Variants in SIPA1L3 observed in about 807,000 individuals in gnomAD.
SIPA1L3 encodes signal induced proliferation associated 1 like 3, also known as signal-induced proliferation-associated 1-like protein 3.
Under a neutral mutation model 150.1 loss-of-function variants are expected in SIPA1L3, and 59 were observed. The ratio of observed to expected loss-of-function variants is 0.39; its 90% CI spans 0.32 to 0.49. The LOEUF is 0.49. Among genes scored for constraint, SIPA1L3 ranks in the 20% least tolerant of loss-of-function variants. The pLI is 0.86. For missense variants in SIPA1L3, 2,211 were observed against 2,489.5 expected, an observed-to-expected ratio of 0.89 and a Z score of 2.38; for synonymous variants, 1,070 against 1,077.6, an observed-to-expected ratio of 0.99 and a Z score of 0.14.
In SIPA1L3 at chr19:37,913,173, A is replaced by T. The variant is rs117599642; in HGVS notation, c.-379+5815A>T. The stretch of plus-strand genomic sequence containing the variant: ...TAGTCTTTACCTCGGGGGTCGCTGG[A>T]GACTGAATGAAATGTCTGCAAGACT... On this transcript the variant is annotated intron_variant, in intron 1 of 21. Coordinates refer to ENST00000222345, the MANE Select transcript of SIPA1L3 (RefSeq NM_015073.3). Among the ~76,000 whole-genome samples, 1,064 of 152,272 alleles carry T rather than the reference A, an allele frequency of 7.0e-3. 32 individuals are homozygous for T. Among genetic ancestry groups the T allele is most frequent in the East Asian group, 0.068 (354 of 5,176 alleles).
chr19:38,197,871 A>G (rs1600204754), intron 18 of SIPA1L3, among the ~76,000 whole-genome samples: 1 of 122,706 alleles, frequency 8.1e-6, no homozygotes, highest in Non-Finnish European at 1.7e-5. Flanking sequence ...TCTCCCCCCA[A>G]ATCCCCCCCC....
Position 38,152,906 on chromosome 19 carries a change from C to T in SIPA1L3, c.3600C>T (p.Ser1200=), listed in dbSNP as rs759175189. The T allele has an allele frequency of 9.9e-6, 16 of 1,613,616 alleles. No individual in the cohort carries two copies. Among genetic ancestry groups the T allele is most frequent in the Middle Eastern group, 3.3e-4 (2 of 6,084 alleles). The change falls in exon 13 of 22, where the codon AGC becomes AGT. Residue 1200 remains serine (S), a synonymous_variant. Coordinates refer to ENST00000222345, the MANE Select transcript of SIPA1L3 (RefSeq NM_015073.3). The part of the protein sequence containing the change: ...DPHFSHDGTS[S]GDSSSGGLTS... The stretch of plus-strand genomic sequence containing the variant: ...ACTTCAGCCACGATGGGACGTCCAG[C>T]GGCGACTCCTCTTCCGGCGGCCTGA...
chr19:38,149,333 G>T (rs1473561758), intron 12 of SIPA1L3, among the ~76,000 whole-genome samples: 1 of 152,124 alleles, frequency 6.6e-6, no homozygotes, highest in Non-Finnish European at 1.5e-5. Flanking sequence ...GGAAGTGGAA[G>T]TTCGCGTCAC....
rs181544606 is a variant in SIPA1L3, at chr19:38,192,540, G to A, written c.4596+230G>A. Among the ~76,000 whole-genome samples, 4 of 152,296 alleles carry A rather than the reference G, an allele frequency of 2.6e-5. No homozygotes were observed. The East Asian group carries it at 7.7e-4, about 29-fold the overall frequency. ...ACAGGATAAGCCCAGGCAGGCACTCGGGAATCTACCCCATACCGAGAACCT... is the reference window on the plus strand; with the variant it reads ...ACAGGATAAGCCCAGGCAGGCACTCAGGAATCTACCCCATACCGAGAACCT... On this transcript the variant is annotated intron_variant, in intron 17 of 21. Transcript: ENST00000222345.
chr19:37,991,017 G>T (rs1967493709), intron 1 of SIPA1L3, among the ~76,000 whole-genome samples: 1 of 152,200 alleles, frequency 6.6e-6, no homozygotes, highest in South Asian at 2.1e-4. Flanking sequence ...CAGATTGCTT[G>T]AGGCCAGGAG....
At chr19:37,981,483 A>C (rs1386197464) in intron 1 of SIPA1L3, among the ~76,000 whole-genome samples, 1 of 151,162 alleles carries the variant, frequency 6.6e-6, no homozygotes, top group Non-Finnish European at 1.5e-5. Context: ...CTGCTCTGCC[A>C]CTTCTTGTCC....
intron 13 of SIPA1L3, among the ~76,000 whole-genome samples, chr19:38,157,319 A>G (rs747381334): frequency 9.9e-5 from 15 of 152,156 alleles, no homozygotes; most frequent in Non-Finnish European, 1.8e-4. Context: ...ACATGCCTTC[A>G]TGTTTAGTCG....
chr19:38,142,528 C>T (rs1426863518), intron 11 of SIPA1L3, 45 bp from the exon 12 acceptor site: 6 of 1,561,138 alleles, frequency 3.8e-6, no homozygotes, highest in Non-Finnish European at 5.2e-6. Flanking sequence ...GCAGGGGTAC[C>T]CTCCTACTCA....
chr19:38,187,446 C>G (rs111805755), intron 16 of SIPA1L3, among the ~76,000 whole-genome samples: 11 of 148,764 alleles, frequency 7.4e-5, no homozygotes, highest in African/African-American at 2.7e-4. Context: ...GAGTGAAACT[C>G]TTTCTCAAAA....
chr19:38,068,713 C>A (rs960212106), intron 2 of SIPA1L3, among the ~76,000 whole-genome samples: 2 of 152,024 alleles, frequency 1.3e-5, no homozygotes, highest in Non-Finnish European at 2.9e-5. Flanking sequence ...AAAAATTAGC[C>A]GGTTGTGGTG....
rs372155196 is a variant in SIPA1L3, at chr19:37,954,383, A to G, written c.-379+47025A>G. Among the ~76,000 whole-genome samples the G allele has an allele frequency of 2.1e-4, 32 of 152,220 alleles. 1 individual carries two copies. The highest frequency in any genetic ancestry group is 4.6e-4 in the African/African-American group (19 of 41,542). ...AGCTTTTTATTGTTCACTAAAGGCTACTTCCCCGAAACCAATATTGATGTT... is the reference window on the plus strand; with the variant it reads ...AGCTTTTTATTGTTCACTAAAGGCTGCTTCCCCGAAACCAATATTGATGTT... On this transcript the variant is annotated intron_variant, in intron 1 of 21. Coordinates refer to ENST00000222345, the MANE Select transcript of SIPA1L3 (RefSeq NM_015073.3).
intron 15 of SIPA1L3, among the ~76,000 whole-genome samples, chr19:38,176,843 T>C (rs1001094749): frequency 1.3e-5 from 2 of 151,836 alleles, no homozygotes; most frequent in Non-Finnish European, 2.9e-5. Flanking sequence ...TGGTGGCACA[T>C]GCCTGTAATC....
intron 13 of SIPA1L3, among the ~76,000 whole-genome samples, chr19:38,155,870 C>T (rs1971936216): frequency 6.6e-6 from 1 of 152,146 alleles, no homozygotes; most frequent in Non-Finnish European, 1.5e-5. Context: ...CTCCTGAGAT[C>T]AGGAGTTCGA....
intron 4 of SIPA1L3, among the ~76,000 whole-genome samples, chr19:38,094,973 G>A (rs940270471): frequency 3.3e-5 from 5 of 152,176 alleles, no homozygotes; most frequent in Non-Finnish European, 1.5e-5. Flanking sequence ...ATCCCAGGAG[G>A]CTGAGGCAGG....
At chr19:37,961,389 C>A (rs184508091) in intron 1 of SIPA1L3, among the ~76,000 whole-genome samples, 6 of 152,032 alleles carry the variant, frequency 3.9e-5, no homozygotes, top group Admixed American at 3.3e-4. Context: ...TTTTCTTCAG[C>A]ATTTTGAAAA....
intron 10 of SIPA1L3, among the ~76,000 whole-genome samples, chr19:38,131,283 T>C (rs966293426): frequency 2.0e-5 from 3 of 152,026 alleles, no homozygotes; most frequent in Admixed American, 6.6e-5. Flanking sequence ...AGCAGGGTAA[T>C]GAAGGGGCTG....
chr19:38,141,477 C>G, intron 11 of SIPA1L3, 42 bp downstream of exon 11: 4 of 1,574,470 alleles, frequency 2.5e-6, no homozygotes, highest in Non-Finnish European at 3.4e-6. Context: ...CAACCCCCAC[C>G]AGCCCACACC....
chr19:37,969,355 C>T (rs2046933165), intron 1 of SIPA1L3, among the ~76,000 whole-genome samples: 1 of 152,178 alleles, frequency 6.6e-6, no homozygotes, highest in South Asian at 2.1e-4. Flanking sequence ...GATTTGAGAC[C>T]AGCCTGACCA....
chr19:38,045,949 T>A (rs547137575), intron 2 of SIPA1L3, among the ~76,000 whole-genome samples: 1 of 152,246 alleles, frequency 6.6e-6, no homozygotes, highest in South Asian at 2.1e-4. Context: ...GGAGAAGTGA[T>A]ACAACTTCAT....
Sources: allele counts gnomAD v4.1 joint callset (sites outside exome capture counted in the v4.1 genomes callset), GRCh38; gene constraint gnomAD v4.1.1; transcripts MANE v1.5; gene names NCBI Gene and HGNC (gene_info 2026-07-23, HGNC 2026-07-21).